The following GABRG3 variants were observed in gnomAD, a reference collection of about 807,000 sequenced individuals.
The protein encoded by GABRG3 is gamma-aminobutyric acid type A receptor subunit gamma3.
GABRG3 carries 25 observed loss-of-function variants against 48.8 expected under a neutral mutation model. The observed-to-expected ratio is 0.51, with a 90% CI of 0.37 to 0.72. GABRG3 has a LOEUF of 0.72. Among genes scored for constraint, GABRG3 ranks in the 30% least tolerant of loss-of-function variants. The pLI is 0.00. For missense variants in GABRG3, 394 were observed against 577.9 expected, an observed-to-expected ratio of 0.68 and a Z score of 3.26; for synonymous variants, 227 against 217.6, an observed-to-expected ratio of 1.04 and a Z score of -0.38.
At chr15:27,377,821 G>A (rs566369452) in intron 5 of GABRG3, among the ~76,000 whole-genome samples, 1 of 152,312 alleles carries the variant, frequency 6.6e-6, no homozygotes, top group Non-Finnish European at 1.5e-5. Context: ...TTGTATATAT[G>A]GAGTCTTTAG....
chr15:27,372,819 C>T (rs2140557453), intron 5 of GABRG3, among the ~76,000 whole-genome samples: 1 of 152,312 alleles, frequency 6.6e-6, no homozygotes, highest in South Asian at 2.1e-4. Context: ...CTCCTGGTGC[C>T]TCTGTCTCTC....
chr15:27,086,148 G>A (rs1897073479), intron 3 of GABRG3, among the ~76,000 whole-genome samples: 1 of 149,902 alleles, frequency 6.7e-6, no homozygotes, highest in African/African-American at 2.5e-5. Context: ...TAAAGGACAT[G>A]GAGTAGAGGG....
chr15:27,268,673 A>G (rs1035282801), intron 3 of GABRG3, among the ~76,000 whole-genome samples: 8 of 152,118 alleles, frequency 5.3e-5, no homozygotes, highest in Admixed American at 3.3e-4. Context: ...ATTTTCTACT[A>G]GTTCTGGTTT....
At chr15:27,107,604 A>G (rs1379047032) in intron 3 of GABRG3, among the ~76,000 whole-genome samples, 2 of 152,090 alleles carry the variant, frequency 1.3e-5, no homozygotes, top group Non-Finnish European at 2.9e-5. Context: ...AACAGTTTAT[A>G]GAATATTGGT....
intron 5 of GABRG3, among the ~76,000 whole-genome samples, chr15:27,444,204 A>G (rs943972295): frequency 1.3e-5 from 2 of 152,196 alleles, no homozygotes; most frequent in Non-Finnish European, 2.9e-5. Context: ...GATCAACTTC[A>G]TCAATCATGT....
chr15:27,335,785 T>G (rs902529767), intron 5 of GABRG3, among the ~76,000 whole-genome samples: 2 of 152,116 alleles, frequency 1.3e-5, no homozygotes, highest in African/African-American at 4.8e-5. Context: ...TATGACTGAG[T>G]TGTACACTGA....
intron 5 of GABRG3, among the ~76,000 whole-genome samples, chr15:27,430,246 G>T (rs1888408749): frequency 6.6e-6 from 1 of 152,046 alleles, no homozygotes; most frequent in South Asian, 2.1e-4. Flanking sequence ...TTTCAATTGG[G>T]TTATCATTTT....
In GABRG3 at chr15:27,322,302, C is replaced by T. The variant is rs183180011; in HGVS notation, c.271-4507C>T. 5.3e-5 allele frequency among the ~76,000 whole-genome samples: 8 copies of T among 152,228 alleles called. No homozygotes were observed. The East Asian group carries it at 7.8e-4, about 15-fold the overall frequency. On this transcript the variant is annotated intron_variant, in intron 3 of 9. Coordinates refer to ENST00000615808, the MANE Select transcript of GABRG3 (RefSeq NM_033223.5). Reference sequence around the variant, plus strand: ...TTCAGAACGAAGAAGAGCTTGCACCCGGAACACTGTAGGACGCTCCCCTCT... The same window carrying T: ...TTCAGAACGAAGAAGAGCTTGCACCTGGAACACTGTAGGACGCTCCCCTCT...
chr15:27,526,749 C>T (rs1448916164), intron 7 of GABRG3, among the ~76,000 whole-genome samples: 2 of 152,100 alleles, frequency 1.3e-5, no homozygotes, highest in Non-Finnish European at 2.9e-5. Flanking sequence ...TTGAGTATTA[C>T]CAATTAATTG....
intron 6 of GABRG3, among the ~76,000 whole-genome samples, chr15:27,487,188 G>A (rs901206555): frequency 1.3e-5 from 2 of 152,008 alleles, no homozygotes; most frequent in Non-Finnish European, 2.9e-5. Flanking sequence ...ACCTCTTCTT[G>A]GTCTAATGAA....
intron 3 of GABRG3, among the ~76,000 whole-genome samples, chr15:27,232,278 A>G (rs1386223670): frequency 6.6e-6 from 1 of 152,212 alleles, no homozygotes; most frequent in Non-Finnish European, 1.5e-5. Context: ...AGGGCAGATT[A>G]TAATAACTCA....
intron 2 of GABRG3, among the ~76,000 whole-genome samples, chr15:27,021,301 C>T (rs1445604947): frequency 1.3e-5 from 2 of 152,048 alleles, no homozygotes; most frequent in East Asian, 1.9e-4. Flanking sequence ...TTTTTACGAA[C>T]CATAGTTATG....
chr15:27,075,033 G>A (rs943124758), intron 3 of GABRG3, among the ~76,000 whole-genome samples: 1 of 152,164 alleles, frequency 6.6e-6, no homozygotes, highest in African/African-American at 2.4e-5. Context: ...CATTTTTATT[G>A]ATACTAATAT....
At chr15:27,397,874 G>A (rs1018797194) in intron 5 of GABRG3, among the ~76,000 whole-genome samples, 3 of 148,754 alleles carry the variant, frequency 2.0e-5, no homozygotes, top group South Asian at 4.2e-4. Context: ...GTGCGATCTC[G>A]GCTCACTGCA....
intron 3 of GABRG3, among the ~76,000 whole-genome samples, chr15:27,047,607 G>A (rs1896386320): frequency 6.6e-6 from 1 of 152,130 alleles, no homozygotes; most frequent in Non-Finnish European, 1.5e-5. Context: ...AGAAATATTT[G>A]GCAATGCACA....
intron 6 of GABRG3, among the ~76,000 whole-genome samples, chr15:27,484,336 C>T (rs570046396): frequency 2.6e-5 from 4 of 152,222 alleles, no homozygotes; most frequent in African/African-American, 9.6e-5. Context: ...TTTAAAATAT[C>T]TGTAGGCTTA....
At chr15:27,062,383 G>A (rs1794528358) in intron 3 of GABRG3, among the ~76,000 whole-genome samples, 1 of 147,044 alleles carries the variant, frequency 6.8e-6, no homozygotes, top group South Asian at 2.2e-4. Flanking sequence ...GATCACCTGA[G>A]GTCAGGAGTT....
Position 27,350,145 on chromosome 15 carries a change from G to T in GABRG3, c.574+21257G>T, listed in dbSNP as rs779855250. 30 of 455,936 alleles carry T rather than the reference G, an allele frequency of 6.6e-5. 1 individual carries two copies. Among genetic ancestry groups the T allele is most frequent in the South Asian group, 4.6e-4 (30 of 64,556 alleles). The allele number at this position is 455,936 out of a possible 1,614,324, so 28.2% of individuals were successfully genotyped here. On this transcript the variant is annotated intron_variant, in intron 5 of 9. Coordinates refer to ENST00000615808, the MANE Select transcript of GABRG3 (RefSeq NM_033223.5). The stretch of plus-strand genomic sequence containing the variant: ...TTCCCAGCCACCATCTTGGCCTTCA[G>T]ATTGTCTCTTCATGCATATCGCTGA...
chr15:27,333,222 G>T (rs947535219), intron 5 of GABRG3, among the ~76,000 whole-genome samples: 2 of 152,010 alleles, frequency 1.3e-5, no homozygotes, highest in Non-Finnish European at 2.9e-5. Context: ...CCTATTACTC[G>T]TGCAACAAAT....
Sources: gnomAD v4.1 joint callset for allele counts (sites outside exome capture counted in the v4.1 genomes callset) on GRCh38, gnomAD v4.1.1 for gene constraint, MANE v1.5 for transcripts, NCBI Gene and HGNC (gene_info 2026-07-23, HGNC 2026-07-21) for gene names.